Variants in INTS13 observed in about 807,000 individuals in gnomAD.
INTS13 encodes the protein asunder, spermatogenesis regulator homolog (Drosphila).
Under a neutral mutation model 90.2 loss-of-function variants are expected in INTS13, and 35 were observed. That is an observed-to-expected ratio of 0.39 (90% CI 0.30 to 0.51). INTS13 has a LOEUF of 0.51. Ranked by LOEUF, INTS13 falls within the 20% of genes least tolerant of loss-of-function variation. The pLI is 0.80. For missense variants in INTS13, 601 were observed against 851.2 expected (o/e 0.71, Z 3.66); for synonymous variants, 309 against 277.1 (o/e 1.11, Z -1.14).
intron 4 of INTS13, 144 bp downstream of exon 4, chr12:26,928,554 CAAAAA>C: frequency 3.4e-6 from 2 of 586,840 alleles, no homozygotes; most frequent in South Asian, 2.4e-5. Context: ...TATTAAAAGG[CAAAAA>C]AAAAAAAAAG....
rs550475211 is a variant in INTS13 at position 26,922,725 on chromosome 12, T to A, written c.805-25A>T. 106 of 1,488,968 alleles carry A rather than the reference T, an allele frequency of 7.1e-5. 1 individual carries two copies. In the South Asian group the frequency reaches 1.2e-3, roughly 17 times the overall value. The allele number at this position is 1,488,968 out of a possible 1,614,324, so 92.2% of individuals were successfully genotyped here. On this transcript the variant is annotated intron_variant, in intron 7 of 16. Transcript: ENST00000261191. The stretch of plus-strand genomic sequence containing the variant: ...CCTTGAAGTAAAATTTCAAACATTT[T>A]AAAAAACTTGGTTTTGCTTTCAAAA...
At chr12:26,924,969 A>C (rs1937785715) in intron 6 of INTS13, among the ~76,000 whole-genome samples, 1 of 152,220 alleles carries the variant, frequency 6.6e-6, no homozygotes, top group Admixed American at 6.5e-5. Context: ...AGTAGTGTAC[A>C]ACAAGATAAC....
rs762104351 is a variant in INTS13 at position 26,914,488 on chromosome 12, G to A, written c.1339C>T (p.Arg447Ter). The A allele has an allele frequency of 2.5e-6, 4 of 1,613,822 alleles. No homozygotes were observed. The highest frequency in any genetic ancestry group is 3.4e-6 in the Non-Finnish European group (4 of 1,179,844). ...IDGSLEVPLE[R>*]AKDQLEKHTR... ...TGTTTTTCTAACTGATCTTTTGCTC[G>A]TTCCAAAGGGACCTCAAGACTTCCA... is the stretch of plus-strand genomic sequence containing the variant. Residue 447 changes from arginine to a stop codon, truncating the protein, a stop_gained, in exon 12 of 17, where the codon CGA becomes TGA. Coordinates refer to ENST00000261191, the MANE Select transcript of INTS13 (RefSeq NM_018164.3). LOFTEE classifies it high-confidence loss of function.
intron 3 of INTS13, among the ~76,000 whole-genome samples, chr12:26,932,599 G>A (rs1049283806): frequency 6.6e-6 from 1 of 152,180 alleles, no homozygotes; most frequent in Non-Finnish European, 1.5e-5. Flanking sequence ...AACTTACTGC[G>A]ATGATGGAAA....
chr12:26,934,597 C>T lies in INTS13; in HGVS notation c.259G>A (p.Val87Ile), dbSNP rs1938365302. Residue 87 changes from valine (V) to isoleucine (I), a missense_variant, in exon 3 of 17, where the codon GTT (valine) becomes ATT (isoleucine). By Grantham distance (29) the Val-to-Ile change is conservative. Coordinates refer to ENST00000261191, the MANE Select transcript of INTS13 (RefSeq NM_018164.3). ...TCTTCTTGAGTCCAAGAATTTAAAACATGTGCTCCAGAGTCACTCACAATA... is the reference window on the plus strand; with the variant it reads ...TCTTCTTGAGTCCAAGAATTTAAAATATGTGCTCCAGAGTCACTCACAATA... ...NFIVSDSGAH[V>I]LNSWTQEDQN... 7.4e-6 allele frequency: 12 copies of T among 1,613,672 alleles called. No individual in the cohort carries two copies. The highest frequency in any genetic ancestry group is 1.3e-5 in the African/African-American group (1 of 75,034).
Position 26,917,432 on chromosome 12 carries a change from T to C in INTS13, c.989A>G (p.Tyr330Cys), listed in dbSNP as rs140042804. The change falls in exon 10 of 17, where the codon TAT becomes TGT. Residue 330 changes from tyrosine (Y) to cysteine (C), a missense_variant. Around this residue, in one of 3 missense-constraint regions of INTS13, gnomAD observed 89 missense variants for 191.0 expected, o/e 0.47. Transcript: ENST00000261191. ...TPRTNNIELH[Y>C]CTGAYRISPV... is the part of the protein sequence containing the mutation. ...TGAAATCCGATAAGCTCCAGTACAA[T>C]AGTGTAATTCTGAAATAGAAGAAAA... 1.3e-6 allele frequency: 2 copies of C among 1,534,418 alleles called. No individual in the cohort carries two copies. The highest frequency in any genetic ancestry group is 1.8e-6 in the Non-Finnish European group (2 of 1,120,220).
chr12:26,913,823 A>G, intron 13 of INTS13, 136 bp from the exon 14 acceptor site: 2 of 1,107,666 alleles, frequency 1.8e-6, no homozygotes, highest in East Asian at 4.9e-5. Flanking sequence ...AGGCTACAAT[A>G]TATCCATTTC....
intron 8 of INTS13, among the ~76,000 whole-genome samples, chr12:26,918,488 T>G (rs1952007959): frequency 6.6e-6 from 1 of 152,250 alleles, no homozygotes; most frequent in Non-Finnish European, 1.5e-5. Flanking sequence ...ATCATTTAGG[T>G]CATTGCACTG....
chr12:26,914,604 T>C (rs1260707577), intron 11 of INTS13, 26 bp from the exon 12 acceptor site: 4 of 1,553,534 alleles, frequency 2.6e-6, no homozygotes, highest in Non-Finnish European at 3.5e-6. Context: ...TAAGATAAAA[T>C]TAGAAACTAT....
chr12:26,915,113 C>T (rs555048356), intron 11 of INTS13, among the ~76,000 whole-genome samples: 8 of 152,240 alleles, frequency 5.3e-5, no homozygotes, highest in African/African-American at 1.4e-4. Context: ...ATAATCTTAG[C>T]TACTCGGGAA....
chr12:26,918,890 C>T (rs1222602277), intron 8 of INTS13, among the ~76,000 whole-genome samples: 22 of 152,286 alleles, frequency 1.4e-4, no homozygotes, highest in African/African-American at 5.1e-4. Flanking sequence ...AGAAATGGAA[C>T]AGATGCAGTG....
chr12:26,906,435 G>A lies in INTS13; in HGVS notation c.1948C>T (p.Pro650Ser), dbSNP rs908360906. The change falls in exon 16 of 17, where the codon CCA (proline) becomes TCA (serine). Residue 650 changes from proline to serine, a missense_variant and splice_region_variant. Around this residue, in one of 3 missense-constraint regions of INTS13, gnomAD observed 228 missense variants for 272.5 expected, o/e 0.84. Transcript: ENST00000261191. ...ETPQVEKSKG[P>S]VSLLSLWSNR... Reference sequence around the variant, plus strand: ...CTCCACAAGGATAATAACGACACTGGCCCTAGTGTTATATTTAAAAGGAGA... The same window carrying A: ...CTCCACAAGGATAATAACGACACTGACCCTAGTGTTATATTTAAAAGGAGA... 3 of 1,600,116 alleles carry A rather than the reference G, an allele frequency of 1.9e-6. No individual in the cohort carries two copies. The highest frequency in any genetic ancestry group is 4.5e-5 in the East Asian group (2 of 44,714).
chr12:26,928,370 G>T, intron 4 of INTS13, 85 bp from the exon 5 acceptor site: 1 of 1,068,010 alleles, frequency 9.4e-7, no homozygotes, highest in Non-Finnish European at 1.4e-6. Context: ...TTAATATGGT[G>T]TTATAGACAT....
At chr12:26,928,353 T>C (rs1938001074) in intron 4 of INTS13, 68 bp from the exon 5 acceptor site, 3 of 1,241,402 alleles carry the variant, frequency 2.4e-6, no homozygotes, top group Non-Finnish European at 3.5e-6. Context: ...CAAAACACTC[T>C]TCCGCTTTAA....
chr12:26,936,822 G>T lies in INTS13; in HGVS notation c.-11-8C>A. The T allele has an allele frequency of 6.4e-7, 1 of 1,567,252 alleles. No homozygotes were observed. The highest frequency in any genetic ancestry group is 1.1e-5 in the South Asian group (1 of 89,550). On this transcript the variant is annotated splice_polypyrimidine_tract_variant and splice_region_variant and intron_variant, in intron 1 of 16. Coordinates refer to ENST00000261191, the MANE Select transcript of INTS13 (RefSeq NM_018164.3). Reference sequence around the variant, plus strand: ...TCTTCATTTTGTTTTAACCTGTAAGGGGAAAAACATATTAGCCAAATATTT... The same window carrying T: ...TCTTCATTTTGTTTTAACCTGTAAGTGGAAAAACATATTAGCCAAATATTT...
intron 7 of INTS13, among the ~76,000 whole-genome samples, chr12:26,923,667 T>C (rs891889130): frequency 1.3e-5 from 2 of 152,128 alleles, no homozygotes; most frequent in Admixed American, 6.5e-5. Flanking sequence ...CAGCTAGCAA[T>C]AGATTCCTTA....
intron 14 of INTS13, among the ~76,000 whole-genome samples, chr12:26,911,536 T>A (rs1228683352): frequency 6.6e-6 from 1 of 152,094 alleles, no homozygotes; most frequent in Non-Finnish European, 1.5e-5. Flanking sequence ...ATGCAATGAT[T>A]CAGGAATTAG....
intron 8 of INTS13, among the ~76,000 whole-genome samples, chr12:26,919,867 C>A (rs1952057856): frequency 6.6e-6 from 1 of 152,124 alleles, no homozygotes; most frequent in Non-Finnish European, 1.5e-5. Context: ...CGGTGACTCA[C>A]ACCTGTAATC....
At chr12:26,928,122 G>A (rs1481871223) in intron 5 of INTS13, 83 bp downstream of exon 5, 51 of 973,320 alleles carry the variant, frequency 5.2e-5, no homozygotes, top group Middle Eastern at 2.8e-4. Flanking sequence ...TCAGGGAAAC[G>A]CTACCAGTCA....
Sources: allele counts gnomAD v4.1 joint callset (sites outside exome capture counted in the v4.1 genomes callset), GRCh38; gene constraint gnomAD v4.1.1; regional missense constraint gnomAD v4.1.1; transcripts MANE v1.5; gene names NCBI Gene and HGNC (gene_info 2026-07-23, HGNC 2026-07-21).